Variants in GC observed in about 807,000 individuals in gnomAD.
GC encodes GC vitamin D binding protein.
Under a neutral mutation model 56.7 loss-of-function variants are expected in GC, and 43 were observed. The observed-to-expected ratio is 0.76, with a 90% CI of 0.59 to 0.98. The LOEUF is 0.98. GC is among the 50% of genes least tolerant of loss of function. The probability of loss-of-function intolerance (pLI) is 0.00; values close to 1 mark genes in which losing one functional copy is unlikely to be tolerated. For synonymous variants in GC, 216 were observed against 202.7 expected (o/e 1.07, Z -0.56); for missense variants, 529 against 545.9 (o/e 0.97, Z 0.31).
chr4:71,803,055 A>T (rs1743289691), intron 1 of GC, among the ~76,000 whole-genome samples: 1 of 152,216 alleles, frequency 6.6e-6, no homozygotes, highest in South Asian at 2.1e-4. Context: ...GGATCTGGTG[A>T]ACTTACAGTC....
chr4:71,757,551 C>T (rs1236323013), intron 7 of GC, among the ~76,000 whole-genome samples: 4 of 151,786 alleles, frequency 2.6e-5, no homozygotes, highest in Non-Finnish European at 4.4e-5. Flanking sequence ...ACAGTAGTAG[C>T]GTCTACTAGT....
intron 4 of GC, among the ~76,000 whole-genome samples, chr4:71,764,280 C>T (rs1013303601): frequency 2.0e-5 from 3 of 152,130 alleles, no homozygotes; most frequent in Admixed American, 1.3e-4. Flanking sequence ...CCATGCTTGG[C>T]CCCCAAAACC....
At chr4:71,786,462 A>G (rs1027484757), upstream of GC, among the ~76,000 whole-genome samples, 43 of 151,982 alleles carry the variant, frequency 2.8e-4, no homozygotes, top group African/African-American at 1.0e-3. Context: ...TAGCAACTAG[A>G]AATGTATCAC....
At chr4:71,772,205 T>C (rs1486930508) in intron 1 of GC, among the ~76,000 whole-genome samples, 1 of 152,156 alleles carries the variant, frequency 6.6e-6, no homozygotes, top group Non-Finnish European at 1.5e-5. Context: ...GAATATTTTT[T>C]CCCAAGGCTT....
upstream of GC, among the ~76,000 whole-genome samples, chr4:71,804,731 A>G (rs4020369): frequency 0.96 from 145,969 of 151,440 alleles, 70,491 homozygotes; most frequent in South Asian, 1. Flanking sequence ...TCATATACCC[A>G]ATTGCCTTGT....
At chr4:71,786,212 G>A (rs1161309003), upstream of GC, among the ~76,000 whole-genome samples, 4 of 151,636 alleles carry the variant, frequency 2.6e-5, no homozygotes, top group Non-Finnish European at 5.9e-5. Context: ...ACTGAAATTC[G>A]GCAAAACAGG....
Position 71,775,032 on chromosome 4 carries a change from CTTT to C in GC, c.59-5635_59-5633del, listed in dbSNP as rs61069688. Among the ~76,000 whole-genome samples the C allele has an allele frequency of 3.3e-3, 451 of 138,720 alleles. 3 individuals carry two copies. Among genetic ancestry groups the C allele is most frequent in the Non-Finnish European group, 5.0e-3 (324 of 64,758 alleles). The allele number at this position is 138,720 out of a possible 152,430, so 91.0% of individuals were successfully genotyped here. On this transcript the variant is annotated intron_variant, in intron 1 of 12. Coordinates refer to ENST00000273951, the MANE Select transcript of GC (RefSeq NM_000583.4). ...TTATTCTTCATTTTCTTCCCCGGCC[CTTT>C]TTTTTTTTTTTTTTAAATGAAAAAG... is the stretch of plus-strand genomic sequence containing the variant.
intron 1 of GC, among the ~76,000 whole-genome samples, chr4:71,795,244 T>C (rs967445890): frequency 2.6e-5 from 4 of 152,204 alleles, no homozygotes; most frequent in African/African-American, 7.2e-5. Context: ...ATCTATCTAA[T>C]ATTGACAGTG....
chr4:71,803,952 A>G (rs1560719073), exon 1 of GC: 14 of 1,498,292 alleles, frequency 9.3e-6, no homozygotes, highest in Non-Finnish European at 1.2e-5. Context: ...AGCATTTCCT[A>G]CCAGTTGGAC....
chr4:71,789,921 A>G (rs1395382436), intron 1 of GC, among the ~76,000 whole-genome samples: 1 of 151,942 alleles, frequency 6.6e-6, no homozygotes, highest in African/African-American at 2.4e-5. Context: ...AAATGCAGGC[A>G]GCCCCTAGAT....
intron 10 of GC, 58 bp from the exon 11 acceptor site, chr4:71,752,708 T>C: frequency 7.5e-7 from 1 of 1,334,936 alleles, no homozygotes; most frequent in Non-Finnish European, 1.1e-6. Flanking sequence ...TACAAATTTC[T>C]AATGCAAAAT....
intron 1 of GC, among the ~76,000 whole-genome samples, chr4:71,803,563 GT>G (rs1344536593): frequency 6.6e-6 from 1 of 152,178 alleles, no homozygotes; most frequent in Non-Finnish European, 1.5e-5. Context: ...CAATAGTGCA[GT>G]AAAAATACCG....
chr4:71,778,888 T>A (rs1318632804), intron 1 of GC, among the ~76,000 whole-genome samples: 1 of 27,922 alleles, frequency 3.6e-5, no homozygotes, highest in African/African-American at 8.8e-5. Context: ...AATATTGCTG[T>A]CAGTTATTAT....
intron 1 of GC, among the ~76,000 whole-genome samples, chr4:71,793,687 A>G (rs935997429): frequency 2.6e-5 from 4 of 152,174 alleles, no homozygotes; most frequent in Admixed American, 2.0e-4. Context: ...AACTTCCAAC[A>G]CTATGCTGAA....
chr4:71,793,939 T>A (rs774909938), intron 1 of GC, among the ~76,000 whole-genome samples: 1 of 152,220 alleles, frequency 6.6e-6, no homozygotes, highest in African/African-American at 2.4e-5. Flanking sequence ...GTTGGATCTA[T>A]TTATGCGATG....
At chr4:71,786,400 G>A (rs890092499), upstream of GC, among the ~76,000 whole-genome samples, 4 of 151,882 alleles carry the variant, frequency 2.6e-5, no homozygotes, top group African/African-American at 9.6e-5. Flanking sequence ...GAAAAAATGG[G>A]TGAAAAAGAC....
chr4:71,794,892 T>G (rs1421694815), intron 1 of GC, among the ~76,000 whole-genome samples: 9 of 152,210 alleles, frequency 5.9e-5, no homozygotes, highest in Admixed American at 5.9e-4. Flanking sequence ...AACATCTTTA[T>G]TTCTGCTTTC....
At chr4:71,775,801 C>T (rs1742490925) in intron 1 of GC, among the ~76,000 whole-genome samples, 1 of 152,042 alleles carries the variant, frequency 6.6e-6, no homozygotes, top group South Asian at 2.1e-4. Flanking sequence ...TCAAACAACT[C>T]AATAACAAGA....
upstream of GC, among the ~76,000 whole-genome samples, chr4:71,788,956 A>G (rs1266837471): frequency 6.6e-6 from 1 of 151,962 alleles, no homozygotes; most frequent in African/African-American, 2.4e-5. Flanking sequence ...ATTTAGGTTC[A>G]GTTAATTAAA....
Sources: gnomAD v4.1 joint callset for allele counts (sites outside exome capture counted in the v4.1 genomes callset) on GRCh38, gnomAD v4.1.1 for gene constraint, MANE v1.5 for transcripts, NCBI Gene and HGNC (gene_info 2026-07-23, HGNC 2026-07-21) for gene names.